DCC: variants seen among roughly 807,000 people sequenced by gnomAD.
DCC encodes netrin receptor DCC.
A neutral mutation model predicts 172.5 loss-of-function variants in DCC; 58 were observed. That is an observed-to-expected ratio of 0.34 (90% CI 0.27 to 0.42). DCC has a LOEUF of 0.42. Ranked by LOEUF, DCC falls within the 10% of genes least tolerant of loss-of-function variation. The pLI is 1.00. For synonymous variants in DCC, 709 were observed against 644.5 expected, an observed-to-expected ratio of 1.10 and a Z score of -1.52; for missense variants, 1,740 against 1,791.0, an observed-to-expected ratio of 0.97 and a Z score of 0.51.
intron 5 of DCC, among the ~76,000 whole-genome samples, chr18:52,994,243 AC>A (rs1224932835): frequency 6.6e-6 from 1 of 152,040 alleles, no homozygotes; most frequent in Non-Finnish European, 1.5e-5. Flanking sequence ...CTTTTTAAAG[AC>A]CATCCTTGAG....
intron 1 of DCC, among the ~76,000 whole-genome samples, chr18:52,611,060 T>C (rs1409653333): frequency 6.6e-6 from 1 of 152,208 alleles, no homozygotes; most frequent in Non-Finnish European, 1.5e-5. Flanking sequence ...TAAAATGTTG[T>C]AGGTATGTTT....
intron 7 of DCC, among the ~76,000 whole-genome samples, chr18:53,119,079 T>G (rs2043446437): frequency 6.6e-6 from 1 of 151,802 alleles, no homozygotes; most frequent in Admixed American, 6.6e-5. Context: ...TTTTAGCATC[T>G]TGAGGAAGGT....
chr18:53,530,418 T>C (rs755323295), intron 28 of DCC, 146 bp from the exon 29 acceptor site: 5 of 721,362 alleles, frequency 6.9e-6, no homozygotes, highest in Non-Finnish European at 1.0e-5. Flanking sequence ...CTTCATTCAG[T>C]GAGTATATTC....
At chr18:52,782,850 C>T (rs1019238414) in intron 2 of DCC, among the ~76,000 whole-genome samples, 8 of 152,048 alleles carry the variant, frequency 5.3e-5, no homozygotes, top group Non-Finnish European at 1.2e-4. Context: ...TTATACTCTT[C>T]GTATAAACAT....
chr18:52,900,536 C>T (rs1236903984), intron 2 of DCC, among the ~76,000 whole-genome samples: 2 of 152,156 alleles, frequency 1.3e-5, no homozygotes, highest in Admixed American at 1.3e-4. Context: ...AGCCCAGGCA[C>T]TTTTACTTTG....
chr18:53,292,164 A>G (rs1280480512), intron 12 of DCC, among the ~76,000 whole-genome samples: 1 of 134,008 alleles, frequency 7.5e-6, no homozygotes, highest in African/African-American at 2.7e-5. Context: ...ACATTTGGGG[A>G]TCATTTTCTT....
intron 1 of DCC, among the ~76,000 whole-genome samples, chr18:52,536,055 C>T (rs929304415): frequency 5.3e-5 from 8 of 151,914 alleles, no homozygotes; most frequent in Non-Finnish European, 1.2e-4. Context: ...ATCAGACAGA[C>T]GCTGAGATGG....
At chr18:52,732,211 A>G (rs528401326) in intron 1 of DCC, among the ~76,000 whole-genome samples, 1 of 152,168 alleles carries the variant, frequency 6.6e-6, no homozygotes, top group African/African-American at 2.4e-5. Context: ...ATGGGTTTTA[A>G]AAATAAGAAG....
chr18:53,450,417 A>G, intron 22 of DCC, 83 bp from the exon 23 acceptor site: 1 of 1,498,640 alleles, frequency 6.7e-7, no homozygotes, highest in Non-Finnish European at 9.3e-7. Context: ...GAACATTAGG[A>G]ACTTTGTATA....
At chr18:52,691,314 A>G (rs1402772593) in intron 1 of DCC, among the ~76,000 whole-genome samples, 4 of 152,132 alleles carry the variant, frequency 2.6e-5, no homozygotes, top group Non-Finnish European at 4.4e-5. Flanking sequence ...GTCCCCCAAC[A>G]TAAGTTTGCT....
At chr18:53,374,332 T>C (rs150271108) in intron 15 of DCC, among the ~76,000 whole-genome samples, 20 of 152,304 alleles carry the variant, frequency 1.3e-4, no homozygotes, top group Admixed American at 1.2e-3. Flanking sequence ...ATTGCCTTAA[T>C]TGGGACTTAG....
At chr18:53,446,207 G>A (rs972615616) in intron 22 of DCC, among the ~76,000 whole-genome samples, 1 of 151,748 alleles carries the variant, frequency 6.6e-6, no homozygotes, top group African/African-American at 2.4e-5. Context: ...AATTGCTTGA[G>A]GCTAAGAGTT....
intron 19 of DCC, among the ~76,000 whole-genome samples, chr18:53,405,478 C>G (rs536453805): frequency 6.6e-6 from 1 of 152,084 alleles, no homozygotes; most frequent in South Asian, 2.1e-4. Flanking sequence ...GAGAAAAGCC[C>G]CTGATACCCA....
chr18:53,282,965 A>G (rs965560435), intron 12 of DCC, among the ~76,000 whole-genome samples: 1 of 152,182 alleles, frequency 6.6e-6, no homozygotes, highest in Non-Finnish European at 1.5e-5. Context: ...TCCCAGGAAT[A>G]TTCACTGACT....
At chr18:53,144,558 A>G (rs1280283098) in intron 7 of DCC, among the ~76,000 whole-genome samples, 1 of 151,834 alleles carries the variant, frequency 6.6e-6, no homozygotes, top group Non-Finnish European at 1.5e-5. Context: ...CATGGGAAAG[A>G]CCCGCCCCCA....
chr18:52,662,359 T>A (rs2035375199), intron 1 of DCC, among the ~76,000 whole-genome samples: 1 of 151,940 alleles, frequency 6.6e-6, no homozygotes, highest in African/African-American at 2.4e-5. Flanking sequence ...AACAATCCAA[T>A]AAGGATATGA....
chr18:52,832,107 G>A (rs541053646), intron 2 of DCC, among the ~76,000 whole-genome samples: 28 of 152,172 alleles, frequency 1.8e-4, no homozygotes, highest in South Asian at 4.1e-4. Flanking sequence ...TGATCATTTC[G>A]GGAGGTACTC....
intron 7 of DCC, among the ~76,000 whole-genome samples, chr18:53,078,656 T>C (rs1190009989): frequency 1.3e-5 from 2 of 152,314 alleles, no homozygotes; most frequent in East Asian, 3.9e-4. Flanking sequence ...TAGCTTATAA[T>C]GTAGTTCCAT....
At chr18:52,492,167 G>T (rs751165759) in intron 1 of DCC, among the ~76,000 whole-genome samples, 8 of 151,936 alleles carry the variant, frequency 5.3e-5, no homozygotes, top group Non-Finnish European at 1.0e-4. Context: ...GCATTCATTA[G>T]ATTTAGCAAC....
Sources: gnomAD v4.1 joint callset for allele counts (sites outside exome capture counted in the v4.1 genomes callset) on GRCh38, gnomAD v4.1.1 for gene constraint, MANE v1.5 for transcripts, NCBI Gene and HGNC (gene_info 2026-07-23, HGNC 2026-07-21) for gene names.